Variants in ARHGAP42 observed in about 807,000 individuals in gnomAD.
ARHGAP42 encodes the protein Rho GTPase activating protein 42.
Under a neutral mutation model 125.0 loss-of-function variants are expected in ARHGAP42, and 63 were observed. That is an observed-to-expected ratio of 0.50 (90% CI 0.41 to 0.62). The LOEUF (loss-of-function observed/expected upper bound fraction) is 0.62, where lower values mean the gene tolerates loss of function less well. Among genes scored for constraint, ARHGAP42 ranks in the 20% least tolerant of loss-of-function variants. ARHGAP42 has a pLI of 0.00. For synonymous variants in ARHGAP42, 339 were observed against 351.0 expected (o/e 0.97, Z 0.38); for missense variants, 766 against 1,024.2 (o/e 0.75, Z 3.44).
At chr11:100,880,785 C>A (rs1865941968) in intron 4 of ARHGAP42, among the ~76,000 whole-genome samples, 1 of 152,096 alleles carries the variant, frequency 6.6e-6, no homozygotes, top group Admixed American at 6.6e-5. Context: ...TGATTGTGTC[C>A]ATTCTTGCAG....
At chr11:100,762,135 T>C (rs1862716226) in intron 1 of ARHGAP42, among the ~76,000 whole-genome samples, 1 of 152,224 alleles carries the variant, frequency 6.6e-6, no homozygotes, top group African/African-American at 2.4e-5. Flanking sequence ...TAACTTAATA[T>C]GCCTGCCAGA....
At chr11:100,826,032 C>T (rs982688963) in intron 3 of ARHGAP42, among the ~76,000 whole-genome samples, 5 of 152,004 alleles carry the variant, frequency 3.3e-5, no homozygotes, top group Admixed American at 2.6e-4. Flanking sequence ...AGTGGGTAGA[C>T]GAGTTATTAT....
At chr11:100,913,959 G>T (rs567847851) in intron 5 of ARHGAP42, among the ~76,000 whole-genome samples, 21 of 152,214 alleles carry the variant, frequency 1.4e-4, no homozygotes, top group African/African-American at 4.6e-4. Context: ...TTTTGAGATG[G>T]AGTTTGGCTG....
At chr11:100,891,439 C>CTTT (rs142290529) in intron 4 of ARHGAP42, among the ~76,000 whole-genome samples, 6 of 104,940 alleles carry the variant, frequency 5.7e-5, no homozygotes, top group East Asian at 2.8e-4. Flanking sequence ...AAAGCATCGA[C>CTTT]TTTTTTTTTT....
chr11:100,966,289 C>T (rs1282586345), intron 17 of ARHGAP42, among the ~76,000 whole-genome samples: 1 of 151,990 alleles, frequency 6.6e-6, no homozygotes, highest in East Asian at 1.9e-4. Flanking sequence ...ACTGTATTAG[C>T]CAGAGCTATC....
chr11:100,709,296 TC>T (rs1333566811), intron 1 of ARHGAP42, among the ~76,000 whole-genome samples: 1 of 152,012 alleles, frequency 6.6e-6, no homozygotes, highest in African/African-American at 2.4e-5. Flanking sequence ...CGCCTTGGCC[TC>T]CCAGTGAATG....
chr11:100,887,067 A>T (rs1866108356), intron 4 of ARHGAP42, among the ~76,000 whole-genome samples: 1 of 152,176 alleles, frequency 6.6e-6, no homozygotes, highest in Admixed American at 6.5e-5. Flanking sequence ...GGTACAGTAA[A>T]TATTGGTAAG....
At chr11:100,877,532 GTCT>G (rs1451184974) in intron 4 of ARHGAP42, among the ~76,000 whole-genome samples, 1 of 152,212 alleles carries the variant, frequency 6.6e-6, no homozygotes, top group Non-Finnish European at 1.5e-5. Flanking sequence ...GGTTTCTCAT[GTCT>G]TCTGTAAAAT....
chr11:100,947,689 G>T (rs1868062100), intron 10 of ARHGAP42, among the ~76,000 whole-genome samples: 1 of 151,852 alleles, frequency 6.6e-6, no homozygotes, highest in Non-Finnish European at 1.5e-5. Context: ...GTTTGCAGAA[G>T]AGATGTATGT....
intron 3 of ARHGAP42, among the ~76,000 whole-genome samples, chr11:100,798,672 A>G (rs1863780547): frequency 6.6e-6 from 1 of 152,158 alleles, no homozygotes; most frequent in Non-Finnish European, 1.5e-5. Flanking sequence ...ATATTCATAT[A>G]TTGAACTTAT....
intron 4 of ARHGAP42, among the ~76,000 whole-genome samples, chr11:100,860,404 A>G (rs1181974166): frequency 6.6e-6 from 1 of 152,036 alleles, no homozygotes; most frequent in Non-Finnish European, 1.5e-5. Flanking sequence ...CATATTAACA[A>G]ATTTTCACCA....
intron 1 of ARHGAP42, among the ~76,000 whole-genome samples, chr11:100,735,966 T>G (rs2120326589): frequency 6.6e-6 from 1 of 152,292 alleles, no homozygotes; most frequent in South Asian, 2.1e-4. Flanking sequence ...CTATCTTTGT[T>G]TACCTAGGTA....
chr11:100,779,413 C>G (rs1284016377), intron 2 of ARHGAP42, among the ~76,000 whole-genome samples: 2 of 134,998 alleles, frequency 1.5e-5, no homozygotes, highest in Non-Finnish European at 3.1e-5. Context: ...CCGTTGCACT[C>G]TAGCCTGGGC....
At chr11:100,879,621 A>G (rs916676480) in intron 4 of ARHGAP42, among the ~76,000 whole-genome samples, 2 of 152,088 alleles carry the variant, frequency 1.3e-5, no homozygotes, top group African/African-American at 2.4e-5. Context: ...CGACACCCAC[A>G]TCCATTATTT....
At chr11:100,760,871 GA>G (rs1862685471) in intron 1 of ARHGAP42, among the ~76,000 whole-genome samples, 1 of 152,104 alleles carries the variant, frequency 6.6e-6, no homozygotes, top group African/African-American at 2.4e-5. Context: ...ATCTTGGGTG[GA>G]TGGATATGTT....
intron 4 of ARHGAP42, among the ~76,000 whole-genome samples, chr11:100,889,647 TG>T (rs1364604051): frequency 6.6e-6 from 1 of 152,232 alleles, no homozygotes; most frequent in Non-Finnish European, 1.5e-5. Flanking sequence ...TTGGACACCC[TG>T]GTTTTCTGAT....
intron 6 of ARHGAP42, among the ~76,000 whole-genome samples, chr11:100,926,131 C>G (rs1867415713): frequency 6.6e-6 from 1 of 152,164 alleles, no homozygotes. Context: ...ATGATTCATT[C>G]AGCTGTAAAC....
At chr11:100,964,094 A>C (rs752103536) in intron 16 of ARHGAP42, among the ~76,000 whole-genome samples, 22 of 152,080 alleles carry the variant, frequency 1.4e-4, no homozygotes, top group Non-Finnish European at 2.9e-4. Context: ...AGCCATATTT[A>C]CTAGATGTGA....
At chr11:100,936,569 G>A (rs947549777) in intron 8 of ARHGAP42, among the ~76,000 whole-genome samples, 25 of 152,134 alleles carry the variant, frequency 1.6e-4, no homozygotes, top group African/African-American at 5.3e-4. Context: ...CATAACATGC[G>A]TTCAGTTTTA....
Sources: allele counts gnomAD v4.1 joint callset (sites outside exome capture counted in the v4.1 genomes callset), GRCh38; gene constraint gnomAD v4.1.1; transcripts MANE v1.5; gene names NCBI Gene and HGNC (gene_info 2026-07-23, HGNC 2026-07-21).